Variants in SUZ12 observed in about 807,000 individuals in gnomAD.
The protein encoded by SUZ12 is SUZ12 polycomb repressive complex 2 subunit, also known as polycomb protein SUZ12.
In SUZ12, 17 loss-of-function variants were observed where a neutral mutation model predicts 87.3. That is an observed-to-expected ratio of 0.19 (90% CI 0.13 to 0.29). SUZ12 has a LOEUF of 0.29. Ranked by LOEUF, SUZ12 falls within the 10% of genes least tolerant of loss-of-function variation. The pLI is 1.00. For missense variants in SUZ12, 526 were observed against 912.2 expected, an observed-to-expected ratio of 0.58 and a Z score of 5.45; for synonymous variants, 253 against 312.4, an observed-to-expected ratio of 0.81 and a Z score of 2.01.
chr17:31,976,947 A>AC (rs1908790067), intron 8 of SUZ12, among the ~76,000 whole-genome samples: 1 of 152,236 alleles, frequency 6.6e-6, no homozygotes, highest in Non-Finnish European at 1.5e-5. Flanking sequence ...GAAACAGACC[A>AC]CCACCCAAAA....
At chr17:31,991,861 A>G (rs913366151) in intron 10 of SUZ12, among the ~76,000 whole-genome samples, 1 of 151,874 alleles carries the variant, frequency 6.6e-6, no homozygotes, top group Non-Finnish European at 1.5e-5. Flanking sequence ...CGGCCTCCCA[A>G]AGTGCTGGGA....
chr17:31,995,318 C>T (rs1909917602), intron 13 of SUZ12, among the ~76,000 whole-genome samples: 1 of 152,116 alleles, frequency 6.6e-6, no homozygotes, highest in Admixed American at 6.5e-5. Flanking sequence ...TCTTTTTCCT[C>T]CTTTTTAACT....
intron 4 of SUZ12, among the ~76,000 whole-genome samples, chr17:31,957,506 G>C (rs1338293811): frequency 6.6e-6 from 1 of 151,860 alleles, no homozygotes; most frequent in Non-Finnish European, 1.5e-5. Flanking sequence ...CCACCTCCCA[G>C]GCTCAAGCGA....
chr17:31,959,026 T>C (rs1202551195), intron 4 of SUZ12, among the ~76,000 whole-genome samples: 1 of 152,092 alleles, frequency 6.6e-6, no homozygotes, highest in Non-Finnish European at 1.5e-5. Flanking sequence ...TCAAAATAAA[T>C]AAATAAATAA....
rs1387641133 is a variant in SUZ12 at position 31,937,142 on chromosome 17, C to T, written c.-105C>T. 5 of 1,008,486 alleles carry T rather than the reference C, an allele frequency of 5.0e-6. No individual in the cohort carries two copies. Among genetic ancestry groups the T allele is most frequent in the South Asian group, 2.4e-5 (1 of 41,314 alleles). 62.5% of individuals were successfully genotyped at this position (1,008,486 alleles called of 1,614,324 possible). The stretch of plus-strand genomic sequence containing the variant: ...CTCCTCCCCTCTCTCCTCCTTCCCC[C>T]CTCGGTCCGCCGGAGCCTGCTGGGG... On this transcript the variant is annotated 5_prime_UTR_variant, in exon 1 of 16. Transcript: ENST00000322652.
chr17:31,995,459 A>T, intron 13 of SUZ12, 105 bp from the exon 14 acceptor site: 2 of 847,968 alleles, frequency 2.4e-6, no homozygotes, highest in Non-Finnish European at 3.7e-6. Flanking sequence ...GGTTAGTTTT[A>T]TAAAAGGGTG....
intron 6 of SUZ12, among the ~76,000 whole-genome samples, chr17:31,975,151 A>G (rs1385343145): frequency 6.6e-6 from 1 of 152,170 alleles, no homozygotes; most frequent in Non-Finnish European, 1.5e-5. Context: ...TGTTGTTGCT[A>G]AAAAGCCTTA....
intron 9 of SUZ12, among the ~76,000 whole-genome samples, chr17:31,987,335 G>A: frequency 6.6e-6 from 1 of 152,190 alleles, no homozygotes; most frequent in Admixed American, 6.5e-5. Flanking sequence ...TTGGAGATAC[G>A]AGTTTACAGT....
rs892389046 is a variant in SUZ12 at position 31,997,666 on chromosome 17, C to CAAAA, written c.1874+807_1874+810dup. Among the ~76,000 whole-genome samples, 414 of 70,204 alleles carry CAAAA rather than the reference C, an allele frequency of 5.9e-3. 5 individuals are homozygous for CAAAA. Among genetic ancestry groups the CAAAA allele is most frequent in the Middle Eastern group, 0.024 (3 of 124 alleles). 46.1% of individuals were successfully genotyped at this position (70,204 alleles called of 152,430 possible). A position where few individuals can be genotyped will look rare whatever the true frequency, so the allele number is the denominator to read the frequency against. On this transcript the variant is annotated intron_variant, in intron 15 of 15. Transcript: ENST00000322652. Reference sequence around the variant, plus strand: ...GGGCAACAGAGTGAGACCCTATCTCCAAAAAAAAAAAAAAAAAAAAAGGCC... The same window carrying CAAAA: ...GGGCAACAGAGTGAGACCCTATCTCCAAAAAAAAAAAAAAAAAAAAAAAAAGGCC...
intron 5 of SUZ12, among the ~76,000 whole-genome samples, 164 bp from the exon 6 acceptor site, chr17:31,972,982 T>G (rs1415187601): frequency 2.0e-5 from 3 of 151,358 alleles, no homozygotes; most frequent in Non-Finnish European, 2.9e-5. Flanking sequence ...TTTTAAAGAG[T>G]TTGCTGTAAG....
At chr17:31,958,105 G>A (rs1448054843) in intron 4 of SUZ12, among the ~76,000 whole-genome samples, 3 of 151,136 alleles carry the variant, frequency 2.0e-5, no homozygotes, top group South Asian at 2.1e-4. Flanking sequence ...GGGTTTCACC[G>A]TGTTAGCCAG....
intron 9 of SUZ12, 29 bp downstream of exon 9, chr17:31,983,133 T>G (rs763302816): frequency 6.3e-7 from 1 of 1,598,758 alleles, no homozygotes; most frequent in Admixed American, 1.8e-5. Context: ...GTTGAGCACG[T>G]TATAGTTATG....
intron 10 of SUZ12, among the ~76,000 whole-genome samples, chr17:31,991,345 G>A (rs1040500200): frequency 3.5e-5 from 5 of 142,358 alleles, no homozygotes; most frequent in South Asian, 4.2e-4. Context: ...ACACCCTGTC[G>A]CTTATAAAAA....
chr17:31,984,366 C>T (rs958034842), intron 9 of SUZ12, among the ~76,000 whole-genome samples: 1 of 152,112 alleles, frequency 6.6e-6, no homozygotes, highest in Non-Finnish European at 1.5e-5. Context: ...AGACCTAATA[C>T]ATTCTGCAAG....
At chr17:31,971,066 A>AC (rs1289106720) in intron 5 of SUZ12, among the ~76,000 whole-genome samples, 1 of 152,142 alleles carries the variant, frequency 6.6e-6, no homozygotes, top group Non-Finnish European at 1.5e-5. Context: ...CAAAATTAAC[A>AC]CCCCTAAATT....
chr17:31,983,627 T>C (rs1909246387), intron 9 of SUZ12, among the ~76,000 whole-genome samples: 1 of 152,216 alleles, frequency 6.6e-6, no homozygotes, highest in Admixed American at 6.5e-5. Flanking sequence ...GATTCAAATG[T>C]CTGCTCCTAG....
intron 6 of SUZ12, among the ~76,000 whole-genome samples, chr17:31,974,504 A>C (rs1483045514): frequency 6.6e-6 from 1 of 152,182 alleles, no homozygotes; most frequent in East Asian, 1.9e-4. Flanking sequence ...TCCAGCCTTT[A>C]TCACTTCTTA....
At chr17:31,988,570 A>G (rs1909534034) in intron 10 of SUZ12, 73 bp downstream of exon 10, 1 of 1,370,286 alleles carries the variant, frequency 7.3e-7, no homozygotes, top group African/African-American at 1.5e-5. Context: ...AGATTAATTC[A>G]TTTGTGTTTT....
chr17:31,988,290 T>G (rs750639543), intron 9 of SUZ12, 30 bp from the exon 10 acceptor site: 26 of 1,510,334 alleles, frequency 1.7e-5, no homozygotes, highest in Non-Finnish European at 2.2e-5. Flanking sequence ...TATCTGAGTC[T>G]CCAGTCTTTG....
Sources: gnomAD v4.1 joint callset for allele counts (sites outside exome capture counted in the v4.1 genomes callset) on GRCh38, gnomAD v4.1.1 for gene constraint, MANE v1.5 for transcripts, NCBI Gene and HGNC (gene_info 2026-07-23, HGNC 2026-07-21) for gene names.